Variants in AP5S1 observed in about 807,000 individuals in gnomAD.
The protein encoded by AP5S1 is AP-5 complex subunit sigma-1.
A neutral mutation model predicts 13.9 loss-of-function variants in AP5S1; 13 were observed. That is an observed-to-expected ratio of 0.94 (90% CI 0.61 to 1.49). The LOEUF (loss-of-function observed/expected upper bound fraction) is 1.49, where lower values mean the gene tolerates loss of function less well. Ranked by LOEUF, AP5S1 falls within the 40% of genes most tolerant of loss-of-function variation. The pLI is 0.00. For synonymous variants in AP5S1, 132 were observed against 121.8 expected, an observed-to-expected ratio of 1.08 and a Z score of -0.55; for missense variants, 292 against 272.3, an observed-to-expected ratio of 1.07 and a Z score of -0.51.
At chr20:3,823,790 A>C in intron 2 of AP5S1, 81 bp from the exon 3 acceptor site, 2 of 1,534,372 alleles carry the variant, frequency 1.3e-6, no homozygotes, top group Non-Finnish European at 8.7e-7. Flanking sequence ...GGATGATGGT[A>C]GCTCCCAGCA....
intron 2 of AP5S1, 185 bp from the exon 3 acceptor site, chr20:3,823,686 G>A: frequency 2.0e-6 from 2 of 985,438 alleles, no homozygotes; most frequent in Non-Finnish European, 2.4e-6. Flanking sequence ...GGAATAAAGT[G>A]GTTCAGGACC....
At chr20:3,822,002 T>C in intron 1 of AP5S1, 100 bp from the exon 2 acceptor site, 2 of 1,457,982 alleles carry the variant, frequency 1.4e-6, no homozygotes, top group Non-Finnish European at 1.8e-6. Flanking sequence ...CACTGGCCTC[T>C]GGATACACTC....
At position 3,823,960 on chromosome 20, in the gene AP5S1, C is replaced by T. The variant is rs760744709; in HGVS notation, c.266C>T (p.Pro89Leu). Residue 89 changes from proline (P) to leucine (L), a missense_variant, in exon 3 of 3, where the codon CCG becomes CTG. Transcript: ENST00000615891. ...LQPQSSDEQVPLHEAPRGAFR... is the reference protein window; with the variant it reads ...LQPQSSDEQVLLHEAPRGAFR... ...CCGCAATCCTCAGATGAGCAAGTGC[C>T]GCTGCACGAGGCCCCACGTGGGGCT... 2.5e-5 allele frequency: 40 copies of T among 1,609,764 alleles called. No individual in the cohort carries two copies. The highest frequency in any genetic ancestry group is 8.0e-5 in the African/African-American group (6 of 74,938).
At position 3,822,174 on chromosome 20, in the gene AP5S1, C is replaced by G; in HGVS notation, c.57C>G (p.Gly19=). The G allele has an allele frequency of 6.2e-7, 1 of 1,614,150 alleles. No homozygotes were observed. The highest frequency in any genetic ancestry group is 8.5e-7 in the Non-Finnish European group (1 of 1,180,020). ...GGGCCCCGAATACTGAGGACACGGG[C>G]CTTTGCCGAGTGCTGTACTCCTGCG... ...TLRAPNTEDT[G]LCRVLYSCVF... Residue 19 remains glycine, a synonymous_variant, in exon 2 of 3, where the codon GGC becomes GGG. Coordinates refer to ENST00000615891, the MANE Select transcript of AP5S1 (RefSeq NM_018347.3).
intron 1 of AP5S1, chr20:3,821,747 G>A (rs1162552194): frequency 4.8e-6 from 1 of 207,506 alleles, no homozygotes; most frequent in Non-Finnish European, 8.4e-6. Flanking sequence ...AGTCTCCTTC[G>A]GTCTGGAGCA....
rs2089624085 is a variant in AP5S1, at chr20:3,826,259, C to G, written c.*1962C>G. The G allele has an allele frequency of 6.6e-6, 1 of 152,216 alleles. No homozygotes were observed. Among genetic ancestry groups the G allele is most frequent in the South Asian group, 2.1e-4 (1 of 4,828 alleles). The allele number at this position is 152,216 out of a possible 1,614,324, so 9.4% of individuals were successfully genotyped here. On this transcript the variant is annotated 3_prime_UTR_variant, in exon 3 of 3. Transcript: ENST00000615891. ...AGGCCACCTTTTCCATTTTATGGTG[C>G]CACAAACCACCTTGACCATGAAGAC...
chr20:3,828,808 T>C lies in AP5S1; in HGVS notation c.*4511T>C, dbSNP rs2146736803. 6.6e-6 allele frequency: 1 copy of C among 152,244 alleles called. No individual in the cohort carries two copies. Among genetic ancestry groups the C allele is most frequent in the East Asian group, 1.9e-4 (1 of 5,206 alleles). The allele number at this position is 152,244 out of a possible 1,614,324, so 9.4% of individuals were successfully genotyped here. A position where few individuals can be genotyped will look rare whatever the true frequency, so the allele number is the denominator to read the frequency against. On this transcript the variant is annotated 3_prime_UTR_variant, in exon 3 of 3. Transcript: ENST00000615891. ...AGGACATCTTGGTTGCTTCCAAGTT[T>C]TGGCAATTATGAATACAACTGCTAC...
intron 2 of AP5S1, among the ~76,000 whole-genome samples, chr20:3,822,649 GTGTT>G (rs1464200868): frequency 6.6e-6 from 1 of 152,160 alleles, no homozygotes; most frequent in East Asian, 1.9e-4. Flanking sequence ...GAGGTATAGA[GTGTT>G]TGAGGAATTT....
rs2089626644 is a variant in AP5S1, at chr20:3,826,630, T to C, written c.*2333T>C. The C allele has an allele frequency of 6.6e-6, 1 of 152,220 alleles. No individual in the cohort carries two copies. The highest frequency in any genetic ancestry group is 1.5e-5 in the Non-Finnish European group (1 of 68,088). 9.4% of individuals were successfully genotyped at this position (152,220 alleles called of 1,614,324 possible). A position where few individuals can be genotyped will look rare whatever the true frequency, so the allele number is the denominator to read the frequency against. On this transcript the variant is annotated 3_prime_UTR_variant, in exon 3 of 3. Coordinates refer to ENST00000615891, the MANE Select transcript of AP5S1 (RefSeq NM_018347.3). ...GGCAAACTGATGGACAAGAGAATAGTAGAGACTGAGACCACACCGTGGGGC... is the reference window on the plus strand; with the variant it reads ...GGCAAACTGATGGACAAGAGAATAGCAGAGACTGAGACCACACCGTGGGGC...
chr20:3,821,210 G>C (rs2089577825), intron 1 of AP5S1, among the ~76,000 whole-genome samples: 1 of 151,980 alleles, frequency 6.6e-6, no homozygotes, highest in Non-Finnish European at 1.5e-5. Context: ...TCTATATTTA[G>C]AGGCCCATCC....
intron 2 of AP5S1, among the ~76,000 whole-genome samples, chr20:3,822,511 A>G (rs2089591837): frequency 6.6e-6 from 1 of 152,200 alleles, no homozygotes; most frequent in South Asian, 2.1e-4. Flanking sequence ...TATAATTAGC[A>G]TTTGTTCAGC....
Position 3,827,920 on chromosome 20 carries a change from C to G in AP5S1, c.*3623C>G, listed in dbSNP as rs1340427452. On this transcript the variant is annotated 3_prime_UTR_variant, in exon 3 of 3. Transcript: ENST00000615891. ...GGGATTACAAGCATGTGCCACCATGCCTGGCTAATTTTTGTATCTTTAGTA... is the reference window on the plus strand; with the variant it reads ...GGGATTACAAGCATGTGCCACCATGGCTGGCTAATTTTTGTATCTTTAGTA... 1 of 151,942 alleles carries G rather than the reference C, an allele frequency of 6.6e-6. No individual in the cohort carries two copies. The highest frequency in any genetic ancestry group is 1.5e-5 in the Non-Finnish European group (1 of 68,002). 9.4% of individuals were successfully genotyped at this position (151,942 alleles called of 1,614,324 possible). A position where few individuals can be genotyped will look rare whatever the true frequency, so the allele number is the denominator to read the frequency against.
Position 3,824,408 on chromosome 20 carries a change from C to G in AP5S1, c.*111C>G. ...GCTCTGATGTGCTGCTATACCAGGA[C>G]AAGTGGGTGACACAAGCCTGCAGAA... On this transcript the variant is annotated 3_prime_UTR_variant, in exon 3 of 3. Transcript: ENST00000615891. 8.8e-7 allele frequency: 1 copy of G among 1,136,066 alleles called. No homozygotes were observed. The highest frequency in any genetic ancestry group is 1.2e-6 in the Non-Finnish European group (1 of 806,506). 70.4% of individuals were successfully genotyped at this position (1,136,066 alleles called of 1,614,324 possible). A position where few individuals can be genotyped will look rare whatever the true frequency, so the allele number is the denominator to read the frequency against.
Position 3,824,072 on chromosome 20 carries a change from G to A in AP5S1, c.378G>A (p.Leu126=), listed in dbSNP as rs2089606009. 2 of 1,613,940 alleles carry A rather than the reference G, an allele frequency of 1.2e-6. No individual in the cohort carries two copies. Among genetic ancestry groups the A allele is most frequent in the African/African-American group, 1.3e-5 (1 of 75,070 alleles). ...GVLSLGFALV[L]DAHENLLLAE... is the part of the protein sequence containing the mutation. ...TCTCGTTAGGCTTTGCCCTGGTGCT[G>A]GATGCCCATGAGAACCTGCTACTGG... Residue 126 remains leucine (L), a synonymous_variant, in exon 3 of 3, where the codon CTG becomes CTA. Transcript: ENST00000615891.
At position 3,827,795 on chromosome 20, in the gene AP5S1, T is replaced by C. The variant is rs2089633378; in HGVS notation, c.*3498T>C. ...TTTTTTTTTTGAGATGGAGTCTCAC[T>C]CTGTTGCTCAGGCTGGAGTGCAGTG... is the stretch of plus-strand genomic sequence containing the variant. On this transcript the variant is annotated 3_prime_UTR_variant, in exon 3 of 3. Coordinates refer to ENST00000615891, the MANE Select transcript of AP5S1 (RefSeq NM_018347.3). 1 of 149,006 alleles carries C rather than the reference T, an allele frequency of 6.7e-6. No individual in the cohort carries two copies. The highest frequency in any genetic ancestry group is 6.8e-5 in the Admixed American group (1 of 14,778). 9.2% of individuals were successfully genotyped at this position (149,006 alleles called of 1,614,324 possible).
At chr20:3,823,601 G>A in intron 2 of AP5S1, 1 of 985,378 alleles carries the variant, frequency 1.0e-6, no homozygotes, top group South Asian at 4.7e-5. Flanking sequence ...AAGCAGGTGA[G>A]GGCAGGATCT....
rs2089572163 is a variant in AP5S1 at position 3,820,739 on chromosome 20, A to C, written c.-36A>C. The C allele has an allele frequency of 6.6e-6, 1 of 152,252 alleles. No individual in the cohort carries two copies. The highest frequency in any genetic ancestry group is 2.4e-5 in the African/African-American group (1 of 41,458). The allele number at this position is 152,252 out of a possible 1,614,324, so 9.4% of individuals were successfully genotyped here. On this transcript the variant is annotated 5_prime_UTR_variant, in exon 1 of 3. Coordinates refer to ENST00000615891, the MANE Select transcript of AP5S1 (RefSeq NM_018347.3). The stretch of plus-strand genomic sequence containing the variant: ...CAACCCCCGAAGTGCCTTGCGCCTC[A>C]AGGTTACGGAGGCAGTGACGTAAGC...
At chr20:3,823,463 G>C in intron 2 of AP5S1, 1 of 809,904 alleles carries the variant, frequency 1.2e-6, no homozygotes. Flanking sequence ...ATGTTAGCCA[G>C]GATGGTCTCG....
chr20:3,823,699 G>C (rs2089600970), intron 2 of AP5S1, 172 bp from the exon 3 acceptor site: 1 of 985,300 alleles, frequency 1.0e-6, no homozygotes, highest in South Asian at 4.7e-5. Flanking sequence ...TCAGGACCTG[G>C]AGGCTCACAC....
Sources: gnomAD v4.1 joint callset for allele counts (sites outside exome capture counted in the v4.1 genomes callset) on GRCh38, gnomAD v4.1.1 for gene constraint, MANE v1.5 for transcripts, NCBI Gene and HGNC (gene_info 2026-07-23, HGNC 2026-07-21) for gene names.